The following DNMBP variants were observed in gnomAD, a reference collection of about 807,000 sequenced individuals.
DNMBP encodes dynamin binding protein, also known as dynamin-binding protein.
Under a neutral mutation model 150.0 loss-of-function variants are expected in DNMBP, and 87 were observed. The ratio of observed to expected loss-of-function variants is 0.58; its 90% CI spans 0.49 to 0.69. The LOEUF (loss-of-function observed/expected upper bound fraction) is 0.69. Among genes scored for constraint, DNMBP ranks in the 30% least tolerant of loss-of-function variants. DNMBP has a pLI of 0.00. For synonymous variants in DNMBP, 711 were observed against 750.4 expected, an observed-to-expected ratio of 0.95 and a Z score of 0.86; for missense variants, 1,774 against 1,949.0, an observed-to-expected ratio of 0.91 and a Z score of 1.69.
chr10:99,968,660 C>A (rs2040644415), intron 3 of DNMBP, among the ~76,000 whole-genome samples: 1 of 148,904 alleles, frequency 6.7e-6, no homozygotes, highest in Non-Finnish European at 1.5e-5. Context: ...TGAACTCCAG[C>A]CTGGGCAACA....
intron 4 of DNMBP, chr10:99,913,872 A>G (rs12776888): frequency 7.9e-7 from 1 of 1,258,908 alleles, no homozygotes; most frequent in Non-Finnish European, 1.0e-6. Flanking sequence ...TCCCGGCCAG[A>G]TCCCAGGTGC....
intron 4 of DNMBP, among the ~76,000 whole-genome samples, chr10:99,924,124 A>G (rs1376950860): frequency 6.6e-6 from 1 of 152,104 alleles, no homozygotes; most frequent in Non-Finnish European, 1.5e-5. Context: ...ACTGCACTCC[A>G]GCCTGGGCAA....
intron 4 of DNMBP, among the ~76,000 whole-genome samples, chr10:99,935,139 T>A (rs2040214560): frequency 6.7e-6 from 1 of 149,648 alleles, no homozygotes; most frequent in South Asian, 2.1e-4. Flanking sequence ...AGAAATATTT[T>A]GAAAGAAGGA....
chr10:99,998,997 A>C (rs537128544), intron 1 of DNMBP, among the ~76,000 whole-genome samples: 1 of 152,366 alleles, frequency 6.6e-6, no homozygotes, highest in African/African-American at 2.4e-5. Context: ...GGATGATTTC[A>C]GAGCTTTCTC....
rs982648376 is a variant in DNMBP, at chr10:99,971,965, G to A, written c.145+15C>T. On this transcript the variant is annotated intron_variant, in intron 2 of 16. Transcript: ENST00000324109. Reference sequence around the variant, plus strand: ...GAAGTCAGGGCCTGTGGTCCACTATGAGTCTCTTACTTACCTGTAACATCC... The same window carrying A: ...GAAGTCAGGGCCTGTGGTCCACTATAAGTCTCTTACTTACCTGTAACATCC... The A allele has an allele frequency of 6.2e-7, 1 of 1,606,366 alleles. No individual in the cohort carries two copies. The highest frequency in any genetic ancestry group is 1.3e-5 in the African/African-American group (1 of 74,118).
intron 4 of DNMBP, among the ~76,000 whole-genome samples, chr10:99,913,508 T>C (rs2039926323): frequency 1.3e-5 from 2 of 152,244 alleles, no homozygotes; most frequent in South Asian, 4.1e-4. Context: ...AACAATAAAA[T>C]GTGCAGACGA....
Position 99,917,790 on chromosome 10 carries a change from C to A in DNMBP, c.2261-8644G>T, listed in dbSNP as rs534613636. On this transcript the variant is annotated intron_variant, in intron 4 of 16. Coordinates refer to ENST00000324109, the MANE Select transcript of DNMBP (RefSeq NM_015221.4). ...ACCAGCCTGGCCAACATGGTGAAAC[C>A]CCGTCTCTAAAAAAAATACAAAAAT... Among the ~76,000 whole-genome samples, 3 of 151,594 alleles carry A rather than the reference C, an allele frequency of 2.0e-5. No individual in the cohort carries two copies. In the South Asian group the frequency reaches 6.2e-4, roughly 32 times the overall value.
intron 6 of DNMBP, 78 bp from the exon 7 acceptor site, chr10:99,900,144 A>G: frequency 6.8e-7 from 1 of 1,464,866 alleles, no homozygotes; most frequent in Non-Finnish European, 9.4e-7. Flanking sequence ...ACACAGCCAA[A>G]CTTTAGTACC....
chr10:99,890,935 C>T (rs2039546898), intron 11 of DNMBP, among the ~76,000 whole-genome samples: 1 of 152,150 alleles, frequency 6.6e-6, no homozygotes, highest in African/African-American at 2.4e-5. Context: ...GCATGAGCAA[C>T]TGTGCCCGGC....
chr10:99,911,012 G>A (rs928106509), intron 4 of DNMBP, among the ~76,000 whole-genome samples: 1 of 152,154 alleles, frequency 6.6e-6, no homozygotes, highest in African/African-American at 2.4e-5. Context: ...GGCCGAGGTG[G>A]GTAGATCACT....
rs1283536581 is a variant in DNMBP, at chr10:99,952,466, T to G, written c.2260+2748A>C. 2.6e-5 allele frequency among the ~76,000 whole-genome samples: 4 copies of G among 152,226 alleles called. 1 individual carries two copies. Among genetic ancestry groups the G allele is most frequent in the African/African-American group, 9.6e-5 (4 of 41,454 alleles). On this transcript the variant is annotated intron_variant, in intron 4 of 16. Transcript: ENST00000324109. ...CCCCTGAGAGCTCAAGTACTCATAT[T>G]AAATGAACACCTTTTTGAGGACTTG...
intron 3 of DNMBP, among the ~76,000 whole-genome samples, chr10:99,959,916 G>A (rs569033973): frequency 6.6e-6 from 1 of 151,970 alleles, no homozygotes; most frequent in Admixed American, 6.6e-5. Context: ...GAGATGAAGG[G>A]TATGGACAAT....
intron 4 of DNMBP, among the ~76,000 whole-genome samples, chr10:99,946,457 T>A (rs985639172): frequency 2.0e-5 from 3 of 152,204 alleles, no homozygotes; most frequent in Non-Finnish European, 4.4e-5. Flanking sequence ...GAAATAGAGC[T>A]GCACACCTAC....
chr10:99,914,092 C>A, intron 4 of DNMBP: 1 of 1,393,960 alleles, frequency 7.2e-7, no homozygotes, highest in South Asian at 1.7e-5. Flanking sequence ...CCAGGCTTCC[C>A]ACATTTACAT....
At chr10:99,966,870 TC>T (rs2040624210) in intron 3 of DNMBP, among the ~76,000 whole-genome samples, 2 of 151,946 alleles carry the variant, frequency 1.3e-5, no homozygotes, top group South Asian at 2.1e-4. Flanking sequence ...AGCCTCAACC[TC>T]CTGGGCTCAG....
intron 1 of DNMBP, among the ~76,000 whole-genome samples, chr10:99,985,082 G>C (rs2133370227): frequency 6.6e-6 from 1 of 152,202 alleles, no homozygotes; most frequent in South Asian, 2.1e-4. Context: ...TGATATTTTG[G>C]AAGAAAAATC....
At chr10:99,893,532 G>A (rs983360512) in intron 11 of DNMBP, among the ~76,000 whole-genome samples, 3 of 151,896 alleles carry the variant, frequency 2.0e-5, no homozygotes, top group Admixed American at 6.6e-5. Context: ...TCAAGAGATC[G>A]ACACCATCCT....
chr10:99,976,208 C>T (rs1229410023), intron 1 of DNMBP, among the ~76,000 whole-genome samples: 1 of 152,210 alleles, frequency 6.6e-6, no homozygotes, highest in Non-Finnish European at 1.5e-5. Flanking sequence ...ACTGATATAG[C>T]ATCATCAGAG....
intron 1 of DNMBP, among the ~76,000 whole-genome samples, chr10:99,999,006 T>C (rs2040982214): frequency 6.6e-6 from 1 of 152,250 alleles, no homozygotes; most frequent in African/African-American, 2.4e-5. Flanking sequence ...CAGAGCTTTC[T>C]CCTTTCGGAG....
Sources: allele counts gnomAD v4.1 joint callset (sites outside exome capture counted in the v4.1 genomes callset), GRCh38; gene constraint gnomAD v4.1.1; transcripts MANE v1.5; gene names NCBI Gene and HGNC (gene_info 2026-07-23, HGNC 2026-07-21).